The following HSD17B12 variants were observed in gnomAD, a reference collection of about 807,000 sequenced individuals.
The protein encoded by HSD17B12 is hydroxysteroid 17-beta dehydrogenase 12, also known as very-long-chain 3-oxoacyl-CoA reductase.
Under a neutral mutation model 39.3 loss-of-function variants are expected in HSD17B12, and 32 were observed. That is an observed-to-expected ratio of 0.81 (90% CI 0.61 to 1.09). The LOEUF is 1.09. Among genes scored for constraint, HSD17B12 ranks in the 50% least tolerant of loss-of-function variants. The probability of loss-of-function intolerance (pLI) is 0.00; values close to 1 mark genes in which losing one functional copy is unlikely to be tolerated. For synonymous variants in HSD17B12, 150 were observed against 146.7 expected (o/e 1.02, Z -0.16); for missense variants, 342 against 382.9 (o/e 0.89, Z 0.89).
the HSD17B12 span, among the ~76,000 whole-genome samples, chr11:43,592,384 T>C: frequency 6.6e-6 from 1 of 152,118 alleles, no homozygotes; most frequent in African/African-American, 2.4e-5. Flanking sequence ...TTATGGAAAT[T>C]TTCAGAAGTA....
chr11:43,834,006 T>G (rs922489101), intron 7 of HSD17B12: 2 of 152,190 alleles, frequency 1.3e-5, no homozygotes, highest in African/African-American at 4.8e-5. Flanking sequence ...AATAGCCCCT[T>G]TCATAACTGT....
chr11:43,777,290 G>T (rs952434910), intron 3 of HSD17B12, among the ~76,000 whole-genome samples: 30 of 152,086 alleles, frequency 2.0e-4, no homozygotes, highest in Non-Finnish European at 4.1e-4. Context: ...GTTGAGCAGT[G>T]GTTTGTAGTT....
intron 1 of HSD17B12, among the ~76,000 whole-genome samples, chr11:43,710,189 T>A (rs1008031148): frequency 6.6e-6 from 1 of 152,250 alleles, no homozygotes; most frequent in Non-Finnish European, 1.5e-5. Context: ...CCAACTATCC[T>A]TACAATGAGT....
chr11:43,656,173 A>T, the HSD17B12 span, among the ~76,000 whole-genome samples: 2 of 151,868 alleles, frequency 1.3e-5, no homozygotes, highest in Non-Finnish European at 2.9e-5. Flanking sequence ...TTTCTTCTAG[A>T]TTTTCTAGTT....
chr11:43,594,384 AT>A, the HSD17B12 span, among the ~76,000 whole-genome samples: 1 of 152,126 alleles, frequency 6.6e-6, no homozygotes, highest in Non-Finnish European at 1.5e-5. Context: ...GAAAATACAT[AT>A]TTGATTTCAG....
chr11:43,638,404 C>CAGTG, the HSD17B12 span, among the ~76,000 whole-genome samples: 1 of 151,698 alleles, frequency 6.6e-6, no homozygotes, highest in South Asian at 2.1e-4. Context: ...GTGGGTAAGG[C>CAGTG]AGTGAATTTT....
intron 4 of HSD17B12, among the ~76,000 whole-genome samples, chr11:43,808,670 C>T (rs1445029510): frequency 1.3e-5 from 2 of 152,138 alleles, no homozygotes; most frequent in African/African-American, 2.4e-5. Context: ...GATCACATAG[C>T]AATTTATAAT....
chr11:43,674,237 A>G, the HSD17B12 span, among the ~76,000 whole-genome samples: 8 of 152,300 alleles, frequency 5.3e-5, no homozygotes, highest in African/African-American at 1.9e-4. Flanking sequence ...TCAGCACAGA[A>G]TACTGCTGAA....
intron 6 of HSD17B12, among the ~76,000 whole-genome samples, chr11:43,819,266 G>A (rs1386044204): frequency 6.6e-6 from 1 of 152,090 alleles, no homozygotes; most frequent in Admixed American, 6.6e-5. Context: ...CTCTTATGGT[G>A]TAAAACCCTG....
chr11:43,734,015 T>A (rs576331752), intron 1 of HSD17B12: 1 of 736,990 alleles, frequency 1.4e-6, no homozygotes, highest in East Asian at 2.6e-5. Flanking sequence ...ATTTATAGAT[T>A]GTCAATATCA....
At chr11:43,607,110 T>C in the HSD17B12 span, among the ~76,000 whole-genome samples, 1 of 152,296 alleles carries the variant, frequency 6.6e-6, no homozygotes, top group South Asian at 2.1e-4. Flanking sequence ...ATTATCTTAA[T>C]TGTTATTGTG....
intron 3 of HSD17B12, among the ~76,000 whole-genome samples, chr11:43,796,877 T>A (rs1950920934): frequency 6.6e-6 from 1 of 151,914 alleles, no homozygotes; most frequent in Admixed American, 6.6e-5. Flanking sequence ...GTGGCTATAA[T>A]AAAGTCAGCA....
At chr11:43,814,543 A>G (rs1460142125) in intron 4 of HSD17B12, among the ~76,000 whole-genome samples, 1 of 152,146 alleles carries the variant, frequency 6.6e-6, no homozygotes, top group Non-Finnish European at 1.5e-5. Context: ...AGGATATTTG[A>G]GTATTAAAAT....
chr11:43,729,384 A>T (rs1950248894), intron 1 of HSD17B12, among the ~76,000 whole-genome samples: 1 of 152,224 alleles, frequency 6.6e-6, no homozygotes, highest in South Asian at 2.1e-4. Flanking sequence ...AATTAATTGC[A>T]AAGTAGGTGA....
At chr11:43,681,128 C>T in intron 1 of HSD17B12, 141 bp downstream of exon 1, 3 of 1,419,316 alleles carry the variant, frequency 2.1e-6, no homozygotes, top group Non-Finnish European at 2.8e-6. Context: ...CCCGCGGGCC[C>T]CTCCTGGCTC....
At chr11:43,703,167 T>G (rs2134814332) in intron 1 of HSD17B12, among the ~76,000 whole-genome samples, 1 of 152,350 alleles carries the variant, frequency 6.6e-6, no homozygotes, top group Non-Finnish European at 1.5e-5. Context: ...TAGGTCATTT[T>G]TAAATATTTC....
chr11:43,716,221 A>G (rs1385184016), intron 1 of HSD17B12, among the ~76,000 whole-genome samples: 1 of 152,224 alleles, frequency 6.6e-6, no homozygotes, highest in South Asian at 2.1e-4. Context: ...TGCAGGTAGC[A>G]TATAACAGGT....
At chr11:43,588,629 T>TATTATTATTATTATTATC in the HSD17B12 span, among the ~76,000 whole-genome samples, 2 of 149,442 alleles carry the variant, frequency 1.3e-5, no homozygotes, top group Admixed American at 6.7e-5. Context: ...TTATTATTAT[T>TATTATTATTATTATTATC]ATTATTATAG....
chr11:43,660,459 GTTA>G, the HSD17B12 span, among the ~76,000 whole-genome samples: 47,612 of 151,832 alleles, frequency 0.31, 7,631 homozygotes, highest in African/African-American at 0.36. Flanking sequence ...CATGCTGTAA[GTTA>G]TTAATTGAAG....
Sources: allele counts gnomAD v4.1 joint callset (sites outside exome capture counted in the v4.1 genomes callset), GRCh38; gene constraint gnomAD v4.1.1; transcripts MANE v1.5; gene names NCBI Gene and HGNC (gene_info 2026-07-23, HGNC 2026-07-21).